Variants in SORCS3 observed in about 807,000 individuals in gnomAD.
SORCS3 encodes the protein sortilin related VPS10 domain containing receptor 3, also known as VPS10 domain-containing receptor SorCS3.
A neutral mutation model predicts 146.3 loss-of-function variants in SORCS3; 57 were observed. That is an observed-to-expected ratio of 0.39 (90% CI 0.31 to 0.49). The LOEUF (loss-of-function observed/expected upper bound fraction) is 0.49, where lower values mean the gene tolerates loss of function less well. Ranked by LOEUF, SORCS3 falls within the 20% of genes least tolerant of loss-of-function variation. The pLI is 0.92. For missense variants in SORCS3, 1,341 were observed against 1,575.5 expected, an observed-to-expected ratio of 0.85 and a Z score of 2.52; for synonymous variants, 653 against 618.5, an observed-to-expected ratio of 1.06 and a Z score of -0.83.
intron 14 of SORCS3, among the ~76,000 whole-genome samples, chr10:105,199,337 G>A (rs1414323385): frequency 1.3e-5 from 2 of 151,948 alleles, no homozygotes; most frequent in Non-Finnish European, 2.9e-5. Context: ...CACAGATGGT[G>A]TGCTTCTTTA....
Position 105,245,151 on chromosome 10 carries a change from C to T in SORCS3, c.2869-391C>T, listed in dbSNP as rs566974716. 7.3e-5 allele frequency among the ~76,000 whole-genome samples: 11 copies of T among 151,268 alleles called. No homozygotes were observed. In the South Asian group the frequency reaches 2.3e-3, roughly 32 times the overall value. The stretch of plus-strand genomic sequence containing the variant: ...ATGTGATCACTTCTCAGAAAGGTCT[C>T]ATAATCCAGTGAAATATAGGATGAA... On this transcript the variant is annotated intron_variant, in intron 20 of 26. Transcript: ENST00000369701.
intron 5 of SORCS3, among the ~76,000 whole-genome samples, chr10:105,044,398 ACT>A (rs1351711730): frequency 6.6e-6 from 1 of 151,826 alleles, no homozygotes; most frequent in East Asian, 1.9e-4. Context: ...ACAGAGCGAG[ACT>A]CTGTCTCAAA....
At chr10:105,256,733 C>T (rs749374735) in intron 24 of SORCS3, 86 bp from the exon 25 acceptor site, 8 of 975,892 alleles carry the variant, frequency 8.2e-6, no homozygotes, top group South Asian at 1.4e-5. Context: ...GATCAGTGGC[C>T]TCCTTCCTGC....
chr10:105,211,242 C>G lies in SORCS3; in HGVS notation c.2367C>G (p.Asn789Lys). ...GCAGCCTTGGTCAAAGCTACCTTAA[C>G]AGCACTGGGTAAGTAAAACACCTAC... ...KDCSLGQSYLNSTGYRRIVSN... is the reference protein window; with the variant it reads ...KDCSLGQSYLKSTGYRRIVSN... The change falls in exon 17 of 27, where the codon AAC becomes AAG. Residue 789 changes from asparagine (N) to lysine (K), a missense_variant. Physicochemically the swap from Asn to Lys is moderately conservative, Grantham distance 94. Coordinates refer to ENST00000369701, the MANE Select transcript of SORCS3 (RefSeq NM_014978.3). 1 of 1,612,608 alleles carries G rather than the reference C, an allele frequency of 6.2e-7. No individual in the cohort carries two copies. The highest frequency in any genetic ancestry group is 1.1e-5 in the South Asian group (1 of 91,032).
chr10:105,126,634 G>A (rs375870168), intron 7 of SORCS3, among the ~76,000 whole-genome samples: 1 of 152,156 alleles, frequency 6.6e-6, no homozygotes, highest in African/African-American at 2.4e-5. Context: ...TAAGAGAATC[G>A]TTATGCCTGC....
intron 14 of SORCS3, among the ~76,000 whole-genome samples, chr10:105,189,173 C>T (rs2056497760): frequency 6.6e-6 from 1 of 152,304 alleles, no homozygotes; most frequent in Non-Finnish European, 1.5e-5. Context: ...AGGGTCTTTG[C>T]CTGCCCTCAG....
chr10:104,881,317 T>C (rs892851500), intron 2 of SORCS3, among the ~76,000 whole-genome samples: 1 of 152,188 alleles, frequency 6.6e-6, no homozygotes, highest in Non-Finnish European at 1.5e-5. Flanking sequence ...TGGTGTGCAA[T>C]TGTCCTCTTT....
chr10:104,718,487 C>T (rs1812666425), intron 1 of SORCS3, among the ~76,000 whole-genome samples: 1 of 152,176 alleles, frequency 6.6e-6, no homozygotes, highest in African/African-American at 2.4e-5. Context: ...GTTTCCAACA[C>T]ATGTGCTTTG....
At chr10:104,737,180 G>A (rs1431605357) in intron 1 of SORCS3, among the ~76,000 whole-genome samples, 1 of 152,170 alleles carries the variant, frequency 6.6e-6, no homozygotes, top group Non-Finnish European at 1.5e-5. Context: ...GTCTATCCCT[G>A]TTGGACATTT....
intron 14 of SORCS3, among the ~76,000 whole-genome samples, chr10:105,179,576 A>G (rs1187390517): frequency 6.6e-6 from 1 of 152,210 alleles, no homozygotes; most frequent in Non-Finnish European, 1.5e-5. Flanking sequence ...CATCAAAATG[A>G]ATATAAACAA....
chr10:104,920,041 G>A (rs933314417), intron 3 of SORCS3, among the ~76,000 whole-genome samples: 1 of 152,172 alleles, frequency 6.6e-6, no homozygotes. Context: ...TTAAACTTAT[G>A]GTAATATGGA....
chr10:104,954,958 A>G (rs1266813635), intron 3 of SORCS3, among the ~76,000 whole-genome samples: 1 of 152,204 alleles, frequency 6.6e-6, no homozygotes, highest in Non-Finnish European at 1.5e-5. Context: ...TTTTATTTAT[A>G]TAGATTTTTT....
At chr10:105,079,956 CCATTGATGGG>C (rs1418825538) in intron 5 of SORCS3, among the ~76,000 whole-genome samples, 2 of 152,082 alleles carry the variant, frequency 1.3e-5, no homozygotes, top group Non-Finnish European at 1.5e-5. Context: ...ATCCAGTCTC[CCATTGATGGG>C]CATTTAGGTT....
chr10:105,042,401 A>G lies in SORCS3; in HGVS notation c.955-654A>G, dbSNP rs189315219. ...TATTATTATTATCGTTATTATTATT[A>G]TTCCATTGGCAGTTAGAATCAGATG... On this transcript the variant is annotated intron_variant, in intron 4 of 26. Transcript: ENST00000369701. Among the ~76,000 whole-genome samples, 189 of 152,300 alleles carry G rather than the reference A, an allele frequency of 1.2e-3. 1 individual carries two copies. Among genetic ancestry groups the G allele is most frequent in the Non-Finnish European group, 1.8e-3 (124 of 68,020 alleles).
chr10:105,255,178 C>T (rs534116191), intron 23 of SORCS3, among the ~76,000 whole-genome samples: 1 of 124,750 alleles, frequency 8.0e-6, no homozygotes, highest in South Asian at 2.9e-4. Flanking sequence ...GACAGCGAGA[C>T]TCAGTCTCAA....
intron 1 of SORCS3, among the ~76,000 whole-genome samples, chr10:104,720,456 T>C (rs1041060466): frequency 9.2e-5 from 14 of 152,242 alleles, no homozygotes; most frequent in Admixed American, 7.9e-4. Context: ...TGTGTCTTTA[T>C]AGAAGCATGT....
rs767410277 is a variant in SORCS3, at chr10:104,977,397, G to A, written c.858G>A (p.Ala286=). 1.2e-5 allele frequency: 19 copies of A among 1,613,634 alleles called. No homozygotes were observed. Among genetic ancestry groups the A allele is most frequent in the Non-Finnish European group, 1.6e-5 (19 of 1,179,826 alleles). Residue 286 remains alanine, a synonymous_variant, in exon 4 of 27, where the codon GCG becomes GCA. Coordinates refer to ENST00000369701, the MANE Select transcript of SORCS3 (RefSeq NM_014978.3). ...SSILISSDEG[A]TYQKYRLTFY... is the part of the protein sequence containing the mutation. ...TATTGATCAGCTCAGACGAAGGGGC[G>A]ACCTATCAGAAGTATCGGCTCACCT... is the stretch of plus-strand genomic sequence containing the variant.
intron 3 of SORCS3, among the ~76,000 whole-genome samples, chr10:104,953,826 C>CA (rs1295609341): frequency 6.6e-6 from 1 of 152,200 alleles, no homozygotes; most frequent in Admixed American, 6.5e-5. Flanking sequence ...TTACTGTTCT[C>CA]AGAGACATCA....
chr10:105,241,078 AT>A (rs1393007186), intron 20 of SORCS3, among the ~76,000 whole-genome samples: 1 of 151,900 alleles, frequency 6.6e-6, no homozygotes, highest in Non-Finnish European at 1.5e-5. Context: ...ATGAACATTT[AT>A]TTTTTTGTTT....
Sources: gnomAD v4.1 joint callset for allele counts (sites outside exome capture counted in the v4.1 genomes callset) on GRCh38, gnomAD v4.1.1 for gene constraint, MANE v1.5 for transcripts, NCBI Gene and HGNC (gene_info 2026-07-23, HGNC 2026-07-21) for gene names.